The following EPHA3 variants were observed in gnomAD, a reference collection of about 807,000 sequenced individuals.
EPHA3 encodes ephrin type-A receptor 3.
A neutral mutation model predicts 107.1 loss-of-function variants in EPHA3; 42 were observed. That is an observed-to-expected ratio of 0.39 (90% CI 0.31 to 0.51). The LOEUF is 0.51. EPHA3 is among the 20% of genes least tolerant of loss of function. The probability of loss-of-function intolerance (pLI) is 0.78; values close to 1 mark genes in which losing one functional copy is unlikely to be tolerated. For synonymous variants in EPHA3, 461 were observed against 424.8 expected, an observed-to-expected ratio of 1.09 and a Z score of -1.05; for missense variants, 1,183 against 1,211.2, an observed-to-expected ratio of 0.98 and a Z score of 0.35.
intron 11 of EPHA3, among the ~76,000 whole-genome samples, chr3:89,419,700 G>A (rs547378856): frequency 3.3e-5 from 5 of 151,534 alleles, no homozygotes; most frequent in Non-Finnish European, 7.4e-5. Context: ...GGCTATGTAA[G>A]TAGCAAAGAA....
intron 5 of EPHA3, among the ~76,000 whole-genome samples, chr3:89,349,561 T>A (rs2107438422): frequency 6.7e-6 from 1 of 148,214 alleles, no homozygotes; most frequent in South Asian, 2.1e-4. Context: ...GGGTCTTGAC[T>A]CTTTATCCAA....
At chr3:89,448,582 A>G (rs997182084) in intron 13 of EPHA3, among the ~76,000 whole-genome samples, 3 of 152,160 alleles carry the variant, frequency 2.0e-5, no homozygotes, top group African/African-American at 4.8e-5. Flanking sequence ...AAGTTCTGGG[A>G]ATGTAATTAT....
intron 5 of EPHA3, among the ~76,000 whole-genome samples, chr3:89,361,286 G>A (rs988901648): frequency 2.7e-5 from 4 of 150,942 alleles, no homozygotes; most frequent in Non-Finnish European, 5.9e-5. Context: ...CCTTTTTAAA[G>A]GGTGTCATGT....
At chr3:89,361,324 A>G (rs548076153) in intron 5 of EPHA3, among the ~76,000 whole-genome samples, 10 of 150,972 alleles carry the variant, frequency 6.6e-5, no homozygotes, top group African/African-American at 2.4e-4. Flanking sequence ...TTGAAAGTTG[A>G]TATGAGTGGT....
intron 3 of EPHA3, among the ~76,000 whole-genome samples, chr3:89,219,968 A>C (rs1704331414): frequency 6.6e-6 from 1 of 151,528 alleles, no homozygotes; most frequent in South Asian, 2.1e-4. Context: ...TCGGCCTCCC[A>C]AAGTGCTGGG....
chr3:89,189,239 G>T (rs539280786), intron 2 of EPHA3, among the ~76,000 whole-genome samples: 124 of 152,244 alleles, frequency 8.1e-4, no homozygotes, highest in African/African-American at 2.9e-3. Context: ...TAGTATTAAA[G>T]TCCAAACCTT....
intron 3 of EPHA3, among the ~76,000 whole-genome samples, chr3:89,283,532 C>A (rs938284655): frequency 6.6e-6 from 1 of 152,104 alleles, no homozygotes; most frequent in African/African-American, 2.4e-5. Context: ...TGCGACAACT[C>A]TTTTAATCTC....
At chr3:89,118,297 T>A (rs2106954169) in intron 1 of EPHA3, among the ~76,000 whole-genome samples, 1 of 152,088 alleles carries the variant, frequency 6.6e-6, no homozygotes, top group East Asian at 1.9e-4. Context: ...TAACAATGGT[T>A]TTTTTCTATA....
chr3:89,225,854 C>T (rs1217780078), intron 3 of EPHA3, among the ~76,000 whole-genome samples: 2 of 151,954 alleles, frequency 1.3e-5, no homozygotes, highest in Non-Finnish European at 2.9e-5. Context: ...GGAAAAGAAC[C>T]CAAGGGGCTA....
intron 3 of EPHA3, among the ~76,000 whole-genome samples, chr3:89,317,732 T>C (rs1706942450): frequency 6.6e-6 from 1 of 151,710 alleles, no homozygotes; most frequent in Non-Finnish European, 1.5e-5. Flanking sequence ...ATCCATTCAA[T>C]ATATAAAAGT....
At chr3:89,214,574 T>C (rs73849207) in intron 3 of EPHA3, among the ~76,000 whole-genome samples, 6,314 of 152,012 alleles carry the variant, frequency 0.042, 420 homozygotes, top group African/African-American at 0.14. Flanking sequence ...CAAACAAGGA[T>C]CCAAAAGGAT....
At chr3:89,186,137 T>C (rs1445354167) in intron 2 of EPHA3, among the ~76,000 whole-genome samples, 2 of 151,990 alleles carry the variant, frequency 1.3e-5, no homozygotes, top group South Asian at 4.1e-4. Context: ...ACCTAAATTA[T>C]AGTCTTACAT....
chr3:89,120,931 T>C (rs1439624964), intron 1 of EPHA3, among the ~76,000 whole-genome samples: 3 of 152,186 alleles, frequency 2.0e-5, no homozygotes, highest in African/African-American at 7.2e-5. Context: ...ATGTTTAACA[T>C]GGCAGCATTT....
At chr3:89,278,170 A>G (rs534107156) in intron 3 of EPHA3, among the ~76,000 whole-genome samples, 3 of 152,268 alleles carry the variant, frequency 2.0e-5, no homozygotes, top group South Asian at 2.1e-4. Context: ...TATGTTATAT[A>G]TATTTCCTGC....
rs73139269 is a variant in EPHA3 at position 89,449,280 on chromosome 3, T to C, written c.2402T>C (p.Phe801Ser). The change falls in exon 14 of 17, where the codon TTC becomes TCC. Residue 801 changes from phenylalanine to serine, a missense_variant. By Grantham distance (155) the Phe-to-Ser change is radical. Coordinates refer to ENST00000336596, the MANE Select transcript of EPHA3 (RefSeq NM_005233.6). Reference sequence around the variant, plus strand: ...CCAGAAGCTATAGCCTACCGCAAGTTCACGTCAGCCAGCGATGTATGGAGT... The same window carrying C: ...CCAGAAGCTATAGCCTACCGCAAGTCCACGTCAGCCAGCGATGTATGGAGT... ...TSPEAIAYRK[F>S]TSASDVWSYG... 2.5e-6 allele frequency: 4 copies of C among 1,612,356 alleles called. No homozygotes were observed. The highest frequency in any genetic ancestry group is 3.4e-6 in the Non-Finnish European group (4 of 1,178,824).
At chr3:89,238,216 AG>A (rs1243079016) in intron 3 of EPHA3, among the ~76,000 whole-genome samples, 1 of 152,102 alleles carries the variant, frequency 6.6e-6, no homozygotes, top group African/African-American at 2.4e-5. Context: ...TTTTAAGGGG[AG>A]GTAATTACGC....
In EPHA3 at chr3:89,318,205, A is replaced by G. The variant is rs182798843; in HGVS notation, c.815-22711A>G. 2.2e-3 allele frequency among the ~76,000 whole-genome samples: 327 copies of G among 152,070 alleles called. 1 individual carries two copies. The highest frequency in any genetic ancestry group is 6.6e-3 in the African/African-American group (273 of 41,562). On this transcript the variant is annotated intron_variant, in intron 3 of 16. Transcript: ENST00000336596. ...TCAGTTCTGGTCATAAAAGACCATA[A>G]TAACTTGAAGAGATATTTTAGAAAG...
In EPHA3 at chr3:89,480,915, A is replaced by G. The variant is rs1710610234; in HGVS notation, c.*1413A>G. On this transcript the variant is annotated 3_prime_UTR_variant, in exon 17 of 17. Coordinates refer to ENST00000336596, the MANE Select transcript of EPHA3 (RefSeq NM_005233.6). ...AGTTGGTCATCTAGCAACCGCCTCA[A>G]AATGTGTAAGCAGGAGAGAAATTTC... The G allele has an allele frequency of 4.3e-6, 1 of 231,874 alleles. No individual in the cohort carries two copies. Among genetic ancestry groups the G allele is most frequent in the African/African-American group, 2.2e-5 (1 of 45,244 alleles). 14.4% of individuals were successfully genotyped at this position (231,874 alleles called of 1,614,324 possible). A position where few individuals can be genotyped will look rare whatever the true frequency, so the allele number is the denominator to read the frequency against.
chr3:89,221,214 C>T (rs1208246167), intron 3 of EPHA3, among the ~76,000 whole-genome samples: 1 of 152,178 alleles, frequency 6.6e-6, no homozygotes, highest in Non-Finnish European at 1.5e-5. Context: ...GGATGCTTCT[C>T]AGGATGTTAT....
Sources: allele counts gnomAD v4.1 joint callset (sites outside exome capture counted in the v4.1 genomes callset), GRCh38; gene constraint gnomAD v4.1.1; transcripts MANE v1.5; gene names NCBI Gene and HGNC (gene_info 2026-07-23, HGNC 2026-07-21).